DDX55: variants seen among roughly 807,000 people sequenced by gnomAD.
DDX55 encodes the protein ATP-dependent RNA helicase DDX55.
In DDX55, 56 loss-of-function variants were observed where a neutral mutation model predicts 69.2. The observed-to-expected ratio is 0.81, with a 90% CI of 0.65 to 1.01. The LOEUF is 1.01. Among genes scored for constraint, DDX55 ranks in the 50% least tolerant of loss-of-function variants. The pLI, the probability that DDX55 is intolerant of heterozygous loss-of-function variation, is 0.00. For synonymous variants in DDX55, 268 were observed against 273.1 expected (o/e 0.98, Z 0.18); for missense variants, 720 against 745.1 (o/e 0.97, Z 0.39).
chr12:123,603,845 C>T (rs1953723587), intron 1 of DDX55, among the ~76,000 whole-genome samples: 1 of 151,956 alleles, frequency 6.6e-6, no homozygotes, highest in Non-Finnish European at 1.5e-5. Context: ...CTCTGTTGCC[C>T]AGGTTGGAGT....
At chr12:123,602,490 GTTCTC>G (rs1336324004) in intron 1 of DDX55, among the ~76,000 whole-genome samples, 1 of 152,228 alleles carries the variant, frequency 6.6e-6, no homozygotes, top group East Asian at 1.9e-4. Flanking sequence ...CTCAAGCCTG[GTTCTC>G]ATCCTGGCCC....
Position 123,610,188 on chromosome 12 carries a change from T to C in DDX55, c.741+60T>C. ...ATGACCAGTGCTCATTTTATGGAAA[T>C]TGTACTGGTAGAATAAATATGTGAG... On this transcript the variant is annotated intron_variant, in intron 7 of 13. Transcript: ENST00000238146. The C allele has an allele frequency of 5.2e-6, 8 of 1,543,820 alleles. No individual in the cohort carries two copies. The South Asian group carries it at 8.7e-5, about 17-fold the overall frequency.
chr12:123,608,665 ACTTT>A lies in DDX55; in HGVS notation c.402-9_402-6del. 2 of 1,611,058 alleles carry A rather than the reference ACTTT, an allele frequency of 1.2e-6. No individual in the cohort carries two copies. Among genetic ancestry groups the A allele is most frequent in the African/African-American group, 1.3e-5 (1 of 74,934 alleles). ...GATCCAGAGAGTTTGGTAAATGTTA[ACTTT>A]CTTTCCAAAGTGGGAACATCATTGT... On this transcript the variant is annotated splice_polypyrimidine_tract_variant and intron_variant, in intron 5 of 13. Coordinates refer to ENST00000238146, the MANE Select transcript of DDX55 (RefSeq NM_020936.3).
chr12:123,603,041 A>C (rs993737852), intron 1 of DDX55, among the ~76,000 whole-genome samples: 12 of 152,236 alleles, frequency 7.9e-5, no homozygotes, highest in African/African-American at 2.9e-4. Context: ...TTTGAGCAGC[A>C]GAAAGGAGGC....
At chr12:123,602,743 G>C (rs1953645793) in intron 1 of DDX55, among the ~76,000 whole-genome samples, 1 of 152,218 alleles carries the variant, frequency 6.6e-6, no homozygotes, top group Admixed American at 6.5e-5. Context: ...TGGGGAGTTT[G>C]CAGTATTGGC....
intron 9 of DDX55, 46 bp downstream of exon 9, chr12:123,615,362 C>T: frequency 6.2e-7 from 1 of 1,605,754 alleles, no homozygotes; most frequent in Non-Finnish European, 8.5e-7. Context: ...CCACACTGCT[C>T]TTTCAGGTCC....
At chr12:123,608,449 C>T (rs1168165679) in intron 5 of DDX55, 15 of 435,930 alleles carry the variant, frequency 3.4e-5, no homozygotes, top group Non-Finnish European at 4.6e-5. Flanking sequence ...AGGTTTGGTC[C>T]GGGAGCTGGA....
intron 7 of DDX55, among the ~76,000 whole-genome samples, chr12:123,610,908 T>G (rs113088709): frequency 0.058 from 8,640 of 148,196 alleles, 622 homozygotes; most frequent in African/African-American, 0.17. Flanking sequence ...TTGTTTGTTT[T>G]TTTTTGTTTT....
intron 10 of DDX55, among the ~76,000 whole-genome samples, chr12:123,617,087 T>A (rs1220617002): frequency 6.6e-6 from 1 of 152,116 alleles, no homozygotes; most frequent in African/African-American, 2.4e-5. Flanking sequence ...GAGGCAGAGG[T>A]GGCAATGGAT....
At chr12:123,616,688 A>G (rs1477519994) in intron 10 of DDX55, 85 bp downstream of exon 10, 3 of 1,381,112 alleles carry the variant, frequency 2.2e-6, no homozygotes, top group Non-Finnish European at 3.1e-6. Flanking sequence ...ACAGATAATG[A>G]TGTTCACTGA....
chr12:123,610,104 C>T lies in DDX55; in HGVS notation c.717C>T (p.Pro239=), dbSNP rs1249231024. Residue 239 remains proline (P), a synonymous_variant, in exon 7 of 14, where the codon CCC becomes CCT. Transcript: ENST00000238146. Reference sequence around the variant, plus strand: ...CAGCCAGCAGTGCCCAGAAGACCCCCTCCCGCCTGGAAAACTACTACATGG... The same window carrying T: ...CAGCCAGCAGTGCCCAGAAGACCCCTTCCCGCCTGGAAAACTACTACATGG... ...GVAASSAQKT[P]SRLENYYMVC... is the part of the protein sequence containing the mutation. The T allele has an allele frequency of 6.2e-7, 1 of 1,613,680 alleles. No homozygotes were observed. Among genetic ancestry groups the T allele is most frequent in the East Asian group, 2.2e-5 (1 of 44,878 alleles).
intron 12 of DDX55, among the ~76,000 whole-genome samples, chr12:123,619,194 G>T (rs1215204646): frequency 1.3e-5 from 2 of 152,134 alleles, no homozygotes; most frequent in African/African-American, 4.8e-5. Flanking sequence ...TAGTAGAGAC[G>T]GGGTTTCACC....
intron 1 of DDX55, among the ~76,000 whole-genome samples, chr12:123,603,232 G>T (rs1953674722): frequency 6.6e-6 from 1 of 152,028 alleles, no homozygotes; most frequent in African/African-American, 2.4e-5. Context: ...AAGCAGGCAG[G>T]TCGCTTAGGA....
chr12:123,608,534 G>A, intron 5 of DDX55, 146 bp from the exon 6 acceptor site: 1 of 944,660 alleles, frequency 1.1e-6, no homozygotes, highest in South Asian at 1.6e-5. Context: ...TTTCTACCCT[G>A]CAGCACTCTT....
intron 3 of DDX55, among the ~76,000 whole-genome samples, chr12:123,606,442 G>A (rs1953896112): frequency 6.6e-6 from 1 of 152,112 alleles, no homozygotes; most frequent in Non-Finnish European, 1.5e-5. Context: ...TTGTGAATTT[G>A]CCTGCTCGTT....
At position 123,619,824 on chromosome 12, in the gene DDX55, C is replaced by G. The variant is rs901742367; in HGVS notation, c.1626+100C>G. The G allele has an allele frequency of 3.3e-6, 5 of 1,516,946 alleles. No homozygotes were observed. In the Admixed American group the frequency reaches 1.1e-4, roughly 34 times the overall value. 94.0% of individuals were successfully genotyped at this position (1,516,946 alleles called of 1,614,324 possible). A position where few individuals can be genotyped will look rare whatever the true frequency, so the allele number is the denominator to read the frequency against. On this transcript the variant is annotated intron_variant, in intron 13 of 13. Transcript: ENST00000238146. ...GTGTGGGGCTGTCAGATTTCTGTTA[C>G]GTTGGCGACCAGGGTGGGGAATTTG...
At chr12:123,613,275 A>AG (rs777140516) in intron 8 of DDX55, 23 bp downstream of exon 8, 1 of 1,612,358 alleles carries the variant, frequency 6.2e-7, no homozygotes, top group Non-Finnish European at 8.5e-7. Flanking sequence ...TCTCTGTGGT[A>AG]GAGGCATCAG....
At chr12:123,607,568 G>A (rs370673271) in intron 4 of DDX55, 32 bp from the exon 5 acceptor site, 13 of 1,614,048 alleles carry the variant, frequency 8.1e-6, no homozygotes, top group East Asian at 4.5e-5. Context: ...CTGTTTTGTC[G>A]AACTTAATCA....
At chr12:123,605,842 T>C (rs1953852747) in intron 1 of DDX55, 89 bp from the exon 2 acceptor site, 1 of 1,573,354 alleles carries the variant, frequency 6.4e-7, no homozygotes, top group South Asian at 1.1e-5. Flanking sequence ...CACTGTGACC[T>C]TAGCTGCCCA....
Sources: gnomAD v4.1 joint callset for allele counts (sites outside exome capture counted in the v4.1 genomes callset) on GRCh38, gnomAD v4.1.1 for gene constraint, MANE v1.5 for transcripts, NCBI Gene and HGNC (gene_info 2026-07-23, HGNC 2026-07-21) for gene names.